Variants in ADGRE2 observed in about 807,000 individuals in gnomAD.
The protein encoded by ADGRE2 is CD97 antigen.
ADGRE2 carries 83 observed loss-of-function variants against 100.8 expected under a neutral mutation model. The ratio of observed to expected loss-of-function variants is 0.82; its 90% CI spans 0.69 to 0.99. ADGRE2 has a LOEUF of 0.99. Among genes scored for constraint, ADGRE2 ranks in the 50% least tolerant of loss-of-function variants. The probability of loss-of-function intolerance (pLI) is 0.00; values close to 1 mark genes in which losing one functional copy is unlikely to be tolerated. For missense variants in ADGRE2, 814 were observed against 1,035.7 expected, an observed-to-expected ratio of 0.79 and a Z score of 2.94; for synonymous variants, 355 against 413.0, an observed-to-expected ratio of 0.86 and a Z score of 1.70.
At chr19:14,760,443 G>A (rs750008423) in intron 11 of ADGRE2, among the ~76,000 whole-genome samples, 1 of 152,188 alleles carries the variant, frequency 6.6e-6, no homozygotes, top group Non-Finnish European at 1.5e-5. Context: ...GAATTAGAAT[G>A]ATGCAGCTGC....
intron 18 of ADGRE2, among the ~76,000 whole-genome samples, chr19:14,745,047 G>C (rs977281659): frequency 6.6e-6 from 1 of 151,764 alleles, no homozygotes; most frequent in Admixed American, 6.6e-5. Context: ...CCGCCACCAC[G>C]CCCAGCTAAT....
chr19:14,760,107 C>G (rs574222276), intron 11 of ADGRE2, among the ~76,000 whole-genome samples: 1 of 152,218 alleles, frequency 6.6e-6, no homozygotes, highest in South Asian at 2.1e-4. Context: ...CGTGAGCCAC[C>G]GTGCCCGGCC....
Position 14,755,746 on chromosome 19 carries a change from G to A in ADGRE2, c.1324C>T (p.Pro442Ser). The change falls in exon 13 of 21, where the codon CCC becomes TCC. Residue 442 changes from proline (P) to serine (S), a missense_variant. Coordinates refer to ENST00000315576, the MANE Select transcript of ADGRE2 (RefSeq NM_013447.4). The stretch of plus-strand genomic sequence containing the variant: ...GAGATCACATCTGAGAGCAGGATGG[G>A]GGAGCCGTCCTGCAGCAAGCCCTGG... ...THQGLLQDGS[P>S]ILLSDVISAF... The A allele has an allele frequency of 6.2e-7, 1 of 1,614,136 alleles. No individual in the cohort carries two copies. Among genetic ancestry groups the A allele is most frequent in the Non-Finnish European group, 8.5e-7 (1 of 1,180,006 alleles).
chr19:14,770,660 C>CT (rs1568623051), intron 5 of ADGRE2, among the ~76,000 whole-genome samples: 7 of 26,004 alleles, frequency 2.7e-4, no homozygotes, highest in Admixed American at 2.4e-3. Flanking sequence ...CTTTTTGTTT[C>CT]TTTCTTTTCT....
In ADGRE2 at chr19:14,776,976, G is replaced by GCGCGCACACACACACA. The variant is rs71166800; in HGVS notation, c.-171-50_-171-49insTGTGTGTGTGTGCGCG. On this transcript the variant is annotated intron_variant, in intron 1 of 20. Transcript: ENST00000315576. ...ATAAAAACACAGAACCAGGGGCGCT[G>GCGCGCACACACACACA]CACACACACACACACACACACACAC... 56 of 1,026,216 alleles carry GCGCGCACACACACACA rather than the reference G, an allele frequency of 5.5e-5. No homozygotes were observed. The East Asian group carries it at 1.3e-3, about 23-fold the overall frequency. 63.6% of individuals were successfully genotyped at this position (1,026,216 alleles called of 1,614,324 possible). A position where few individuals can be genotyped will look rare whatever the true frequency, so the allele number is the denominator to read the frequency against.
the ADGRE2 span, among the ~76,000 whole-genome samples, chr19:14,726,514 T>C: frequency 6.6e-5 from 10 of 152,198 alleles, no homozygotes; most frequent in Non-Finnish European, 1.3e-4. Context: ...TTTTATGCTC[T>C]GCTTCCCTTT....
chr19:14,743,165 C>G (rs2042979567), intron 20 of ADGRE2, among the ~76,000 whole-genome samples: 1 of 152,040 alleles, frequency 6.6e-6, no homozygotes, highest in Admixed American at 6.6e-5. Context: ...TCTTGCACTC[C>G]TGGCCTCAGG....
At chr19:14,762,592 G>T (rs2043766559) in intron 11 of ADGRE2, among the ~76,000 whole-genome samples, 1 of 151,498 alleles carries the variant, frequency 6.6e-6, no homozygotes, top group African/African-American at 2.4e-5. Context: ...GAATATACTA[G>T]ATTCTACCGA....
chr19:14,772,339 T>C lies in ADGRE2; in HGVS notation c.355+3A>G. On this transcript the variant is annotated splice_donor_region_variant and intron_variant, in intron 5 of 20. Transcript: ENST00000315576. Reference sequence around the variant, plus strand: ...GTGATGGAGGATGTGGGGTGGTTCTTACCTTGACACGTGTTCTCGCTCTCA... The same window carrying C: ...GTGATGGAGGATGTGGGGTGGTTCTCACCTTGACACGTGTTCTCGCTCTCA... The C allele has an allele frequency of 1.9e-6, 3 of 1,614,112 alleles. No individual in the cohort carries two copies. The highest frequency in any genetic ancestry group is 2.2e-5 in the South Asian group (2 of 91,084).
At chr19:14,740,551 G>T (rs529803282) in intron 20 of ADGRE2, among the ~76,000 whole-genome samples, 5 of 150,998 alleles carry the variant, frequency 3.3e-5, no homozygotes, top group African/African-American at 9.7e-5. Flanking sequence ...AACCCAGGAG[G>T]CGGAGGTTGC....
At chr19:14,770,701 A>C in intron 5 of ADGRE2, among the ~76,000 whole-genome samples, 1 of 20,248 alleles carries the variant, frequency 4.9e-5, no homozygotes, top group African/African-American at 4.3e-4. Flanking sequence ...TTTTTTTGAG[A>C]CAAAGTCTTG....
At position 14,746,512 on chromosome 19, in the gene ADGRE2, A is replaced by G. The variant is rs553820530; in HGVS notation, c.2092-189T>C. On this transcript the variant is annotated intron_variant, in intron 17 of 20. Transcript: ENST00000315576. ...CTCAGCCTCCCGAGTACAGGCACCC[A>G]CCACCACGCCTGGCTAATTTTTGTA... Among the ~76,000 whole-genome samples, 34 of 150,882 alleles carry G rather than the reference A, an allele frequency of 2.3e-4. No homozygotes were observed. The South Asian group carries it at 4.4e-3, about 19-fold the overall frequency.
At chr19:14,742,836 A>G (rs11882024) in intron 20 of ADGRE2, among the ~76,000 whole-genome samples, 14,800 of 152,100 alleles carry the variant, frequency 0.097, 2,459 homozygotes, top group African/African-American at 0.34. Context: ...CATTTAGTTA[A>G]CCATGCATGG....
chr19:14,746,271 G>T lies in ADGRE2; in HGVS notation c.2144C>A (p.Ser715Tyr). The T allele has an allele frequency of 6.2e-7, 1 of 1,611,110 alleles. No individual in the cohort carries two copies. Among genetic ancestry groups the T allele is most frequent in the South Asian group, 1.1e-5 (1 of 91,008 alleles). ...GGTGGACACTTCACTATTGAGGGAG[G>T]AGAGTCTGTTTTTCAAAATCCAGAG... is the stretch of plus-strand genomic sequence containing the variant. ...VTLWILKNRLSSLNSEVSTLR... is the reference protein window; with the variant it reads ...VTLWILKNRLYSLNSEVSTLR... The change falls in exon 18 of 21, where the codon TCC (serine) becomes TAC (tyrosine). Residue 715 changes from serine to tyrosine, a missense_variant. Physicochemically the swap from Ser to Tyr is moderately radical, Grantham distance 144. This residue lies in a region of ADGRE2 where 569 missense variants were observed against 692.7 expected (regional missense o/e 0.82). Transcript: ENST00000315576.
intron 5 of ADGRE2, 129 bp downstream of exon 5, chr19:14,772,213 C>T: frequency 7.5e-7 from 1 of 1,337,694 alleles, no homozygotes; most frequent in Non-Finnish European, 1.1e-6. Context: ...TACATGCACA[C>T]CTGTCTCATC....
intron 14 of ADGRE2, among the ~76,000 whole-genome samples, chr19:14,753,017 G>A (rs1170393378): frequency 4.6e-5 from 7 of 151,776 alleles, no homozygotes; most frequent in Admixed American, 6.6e-5. Flanking sequence ...TGATCCACCC[G>A]CCTCGGCCTC....
intron 6 of ADGRE2, 139 bp downstream of exon 6, chr19:14,766,839 T>C: frequency 9.7e-7 from 1 of 1,035,408 alleles, no homozygotes; most frequent in Non-Finnish European, 1.4e-6. Flanking sequence ...AGGTGAATCC[T>C]TAGGCAGGGG....
chr19:14,736,417 A>G (rs763188314), intron 20 of ADGRE2, among the ~76,000 whole-genome samples, 173 bp from the exon 21 acceptor site: 4 of 151,980 alleles, frequency 2.6e-5, no homozygotes, highest in Non-Finnish European at 5.9e-5. Flanking sequence ...ATGTGCCACC[A>G]CACCCGGCTA....
downstream of ADGRE2, among the ~76,000 whole-genome samples, chr19:14,730,243 T>G (rs1396024603): frequency 6.6e-6 from 1 of 152,008 alleles, no homozygotes; most frequent in Non-Finnish European, 1.5e-5. Context: ...TTAGTAGAGA[T>G]GGGGTTTCAC....
Sources: allele counts gnomAD v4.1 joint callset (sites outside exome capture counted in the v4.1 genomes callset), GRCh38; gene constraint gnomAD v4.1.1; regional missense constraint gnomAD v4.1.1; transcripts MANE v1.5; gene names NCBI Gene and HGNC (gene_info 2026-07-23, HGNC 2026-07-21).